The following NBAS variants were observed in gnomAD, a reference collection of about 807,000 sequenced individuals.
NBAS encodes the protein NAG/BC035112 fusion.
A neutral mutation model predicts 302.5 loss-of-function variants in NBAS; 219 were observed. The ratio of observed to expected loss-of-function variants is 0.72; its 90% CI spans 0.65 to 0.81. The LOEUF (loss-of-function observed/expected upper bound fraction) is 0.81, where lower values mean the gene tolerates loss of function less well. NBAS is among the 30% of genes least tolerant of loss of function. NBAS has a pLI of 0.00. For synonymous variants in NBAS, 1,118 were observed against 1,021.6 expected (o/e 1.09, Z -1.80); for missense variants, 2,932 against 2,841.6 (o/e 1.03, Z -0.72).
intron 38 of NBAS, among the ~76,000 whole-genome samples, chr2:15,325,020 G>C (rs1453594123): frequency 1.3e-5 from 2 of 152,180 alleles, no homozygotes; most frequent in Non-Finnish European, 2.9e-5. Context: ...AACAGCACTA[G>C]AAAATATCAG....
At chr2:14,908,415 G>A in the NBAS span, among the ~76,000 whole-genome samples, 1 of 152,196 alleles carries the variant, frequency 6.6e-6, no homozygotes, top group Admixed American at 6.5e-5. Flanking sequence ...GTCCTTGAAA[G>A]TACAGAAAAG....
downstream of NBAS, among the ~76,000 whole-genome samples, chr2:15,162,337 C>A (rs535519690): frequency 1.3e-5 from 2 of 152,166 alleles, no homozygotes; most frequent in African/African-American, 4.8e-5. Context: ...TCAGAACCCC[C>A]CTAGGTCATC....
At chr2:15,368,889 C>G (rs551137439) in intron 31 of NBAS, among the ~76,000 whole-genome samples, 1 of 152,126 alleles carries the variant, frequency 6.6e-6, no homozygotes, top group Non-Finnish European at 1.5e-5. Flanking sequence ...AAAGTGGACA[C>G]GATTGTGAGC....
At chr2:15,328,086 A>G in intron 37 of NBAS, 113 bp downstream of exon 37, 2 of 1,220,040 alleles carry the variant, frequency 1.6e-6, no homozygotes, top group Non-Finnish European at 1.2e-6. Context: ...AATGAATAAC[A>G]TGAGTAAGAA....
At chr2:15,424,714 C>A (rs112481121) in intron 22 of NBAS, among the ~76,000 whole-genome samples, 1 of 152,128 alleles carries the variant, frequency 6.6e-6, no homozygotes, top group Non-Finnish European at 1.5e-5. Context: ...TACATCAAAA[C>A]GGCTATGCCA....
Position 15,352,928 on chromosome 2 carries a change from A to C in NBAS, c.4089+625T>G, listed in dbSNP as rs547381263. On this transcript the variant is annotated intron_variant, in intron 34 of 51. Coordinates refer to ENST00000281513, the MANE Select transcript of NBAS (RefSeq NM_015909.4). ...AGAGAGGCAGTGTGACAACTGCCTGACCCATCTGATGGTCGCCTGACTTTC... is the reference window on the plus strand; with the variant it reads ...AGAGAGGCAGTGTGACAACTGCCTGCCCCATCTGATGGTCGCCTGACTTTC... 2.6e-5 allele frequency among the ~76,000 whole-genome samples: 4 copies of C among 152,140 alleles called. No homozygotes were observed. The South Asian group carries it at 8.3e-4, about 32-fold the overall frequency.
At chr2:15,036,781 AC>A in the NBAS span, among the ~76,000 whole-genome samples, 1 of 151,798 alleles carries the variant, frequency 6.6e-6, no homozygotes, top group African/African-American at 2.4e-5. Flanking sequence ...AACATTACTC[AC>A]CCCCAGCTTG....
the NBAS span, among the ~76,000 whole-genome samples, chr2:15,120,297 T>C: frequency 6.6e-6 from 1 of 152,186 alleles, no homozygotes; most frequent in East Asian, 1.9e-4. Flanking sequence ...CTTTATTGCA[T>C]TTAAACCCCA....
chr2:15,474,573 CTTCTTT>C (rs1271669271), intron 14 of NBAS, among the ~76,000 whole-genome samples: 1 of 151,276 alleles, frequency 6.6e-6, no homozygotes, highest in Non-Finnish European at 1.5e-5. Context: ...TCTTCTTCTT[CTTCTTT>C]GAGATGGAGC....
chr2:15,377,939 T>A (rs919918296), intron 30 of NBAS, among the ~76,000 whole-genome samples: 1 of 152,182 alleles, frequency 6.6e-6, no homozygotes, highest in Non-Finnish European at 1.5e-5. Flanking sequence ...ATAATTCCTA[T>A]CAAATAAAAT....
At chr2:14,983,024 G>A in the NBAS span, among the ~76,000 whole-genome samples, 1 of 152,188 alleles carries the variant, frequency 6.6e-6, no homozygotes, top group Non-Finnish European at 1.5e-5. Flanking sequence ...AAGCAGAACA[G>A]GGACATAGAA....
chr2:14,846,742 T>A, the NBAS span, among the ~76,000 whole-genome samples: 1 of 152,120 alleles, frequency 6.6e-6, no homozygotes, highest in Non-Finnish European at 1.5e-5. Context: ...ATTAAGTTGT[T>A]ATCAACTTAA....
At chr2:14,791,420 T>C in the NBAS span, among the ~76,000 whole-genome samples, 1 of 152,070 alleles carries the variant, frequency 6.6e-6, no homozygotes, top group African/African-American at 2.4e-5. Context: ...AAATAAAGTG[T>C]TGAGAAATTA....
At chr2:15,341,830 A>C (rs1672867363) in intron 35 of NBAS, among the ~76,000 whole-genome samples, 1 of 152,210 alleles carries the variant, frequency 6.6e-6, no homozygotes, top group African/African-American at 2.4e-5. Context: ...CATGACAATG[A>C]GCAAAGTATT....
the NBAS span, among the ~76,000 whole-genome samples, chr2:15,153,062 T>C: frequency 3.9e-5 from 6 of 152,172 alleles, no homozygotes; most frequent in Middle Eastern, 3.4e-3. Flanking sequence ...CTGAAGGAAA[T>C]TGCCAAGGTT....
chr2:15,043,000 A>G, the NBAS span, among the ~76,000 whole-genome samples: 1 of 152,240 alleles, frequency 6.6e-6, no homozygotes, highest in African/African-American at 2.4e-5. Context: ...GCTGCCAGCC[A>G]GTAAAACTTG....
At chr2:14,896,516 T>C in the NBAS span, among the ~76,000 whole-genome samples, 48 of 152,256 alleles carry the variant, frequency 3.2e-4, no homozygotes, top group African/African-American at 8.9e-4. Flanking sequence ...AGCATAAATC[T>C]GGAAGCCGAT....
the NBAS span, among the ~76,000 whole-genome samples, chr2:15,126,384 GA>G: frequency 6.6e-6 from 1 of 152,176 alleles, no homozygotes; most frequent in Non-Finnish European, 1.5e-5. Context: ...ACAGCAATGT[GA>G]AAACACACTG....
intron 28 of NBAS, 33 bp from the exon 29 acceptor site, chr2:15,383,350 G>C: frequency 6.3e-7 from 1 of 1,580,942 alleles, no homozygotes; most frequent in South Asian, 1.1e-5. Context: ...CAAGGAAGAG[G>C]GAAAGAAAAC....
Sources: allele counts gnomAD v4.1 joint callset (sites outside exome capture counted in the v4.1 genomes callset), GRCh38; gene constraint gnomAD v4.1.1; transcripts MANE v1.5; gene names NCBI Gene and HGNC (gene_info 2026-07-23, HGNC 2026-07-21).